GLIS3: variants seen among roughly 807,000 people sequenced by gnomAD.
GLIS3 encodes zinc finger protein GLIS3.
A neutral mutation model predicts 78.6 loss-of-function variants in GLIS3; 53 were observed. That is an observed-to-expected ratio of 0.67 (90% CI 0.54 to 0.85). The LOEUF (loss-of-function observed/expected upper bound fraction) is 0.85, where lower values mean the gene tolerates loss of function less well. Among genes scored for constraint, GLIS3 ranks in the 40% least tolerant of loss-of-function variants. The probability of loss-of-function intolerance (pLI) is 0.00; values close to 1 mark genes in which losing one functional copy is unlikely to be tolerated. For synonymous variants in GLIS3, 684 were observed against 509.9 expected, an observed-to-expected ratio of 1.34 and a Z score of -4.60; for missense variants, 1,703 against 1,231.1, an observed-to-expected ratio of 1.38 and a Z score of -5.74.
At chr9:3,950,046 C>T (rs1415731208) in intron 4 of GLIS3, among the ~76,000 whole-genome samples, 2 of 152,228 alleles carry the variant, frequency 1.3e-5, no homozygotes, top group African/African-American at 4.8e-5. Flanking sequence ...GCCTTCACTG[C>T]CTGCTCTCTA....
intron 8 of GLIS3, among the ~76,000 whole-genome samples, chr9:3,857,965 G>A (rs1819898386): frequency 1.3e-5 from 2 of 152,168 alleles, no homozygotes; most frequent in African/African-American, 2.4e-5. Flanking sequence ...AGGGGCAGAA[G>A]GAATCCAGGT....
intron 4 of GLIS3, among the ~76,000 whole-genome samples, chr9:3,999,182 A>G (rs1820956159): frequency 6.6e-6 from 1 of 152,154 alleles, no homozygotes; most frequent in African/African-American, 2.4e-5. Context: ...ACCAATCTCT[A>G]TAGTCGCAGA....
intron 4 of GLIS3, among the ~76,000 whole-genome samples, chr9:3,975,424 A>C (rs1818699273): frequency 6.6e-6 from 1 of 152,234 alleles, no homozygotes; most frequent in Non-Finnish European, 1.5e-5. Context: ...AACCCTGTTT[A>C]GTAAGAGCCA....
chr9:4,004,596 G>A (rs756731124), intron 4 of GLIS3, among the ~76,000 whole-genome samples: 14 of 152,138 alleles, frequency 9.2e-5, no homozygotes, highest in Non-Finnish European at 1.8e-4. Context: ...GGAGAAGTTT[G>A]GCATCACTGA....
chr9:4,042,511 T>G (rs1481799359), intron 4 of GLIS3, among the ~76,000 whole-genome samples: 4 of 152,134 alleles, frequency 2.6e-5, no homozygotes, highest in Non-Finnish European at 5.9e-5. Context: ...AAAGAATGAG[T>G]AGAGCATAAA....
At chr9:4,220,983 T>C (rs1438337428) in intron 2 of GLIS3, among the ~76,000 whole-genome samples, 1 of 152,110 alleles carries the variant, frequency 6.6e-6, no homozygotes, top group Admixed American at 6.6e-5. Context: ...AGACCCTGTC[T>C]CTAATTAATT....
chr9:3,953,772 T>G (rs973501795), intron 4 of GLIS3, among the ~76,000 whole-genome samples: 1 of 35,764 alleles, frequency 2.8e-5, no homozygotes, highest in African/African-American at 1.1e-4. Context: ...TCTCTCTCTC[T>G]CTCTCTCTCT....
intron 4 of GLIS3, among the ~76,000 whole-genome samples, chr9:4,306,869 C>T (rs539096720): frequency 1.3e-5 from 2 of 152,290 alleles, no homozygotes; most frequent in South Asian, 4.1e-4. Context: ...AGTAGAGAGT[C>T]CTTAGATTCT....
At chr9:4,144,702 A>G (rs974275062) in intron 2 of GLIS3, 1 of 152,236 alleles carries the variant, frequency 6.6e-6, no homozygotes, top group Non-Finnish European at 1.5e-5. Flanking sequence ...AAGAAACCAG[A>G]TAATTTTATA....
intron 8 of GLIS3, among the ~76,000 whole-genome samples, chr9:3,876,573 C>CT (rs1305657282): frequency 7.1e-6 from 1 of 140,896 alleles, no homozygotes; most frequent in East Asian, 2.1e-4. Flanking sequence ...TCAGTGATAT[C>CT]TGCAACCATC....
At chr9:4,472,285 C>G in the GLIS3 span, among the ~76,000 whole-genome samples, 3 of 152,292 alleles carry the variant, frequency 2.0e-5, no homozygotes, top group South Asian at 6.2e-4. Context: ...ATAAATCATG[C>G]TACTATAAAG....
chr9:4,190,459 A>G (rs1818231650), intron 2 of GLIS3, among the ~76,000 whole-genome samples: 1 of 141,242 alleles, frequency 7.1e-6, no homozygotes, highest in South Asian at 2.7e-4. Flanking sequence ...GAATGAAATG[A>G]AGCGAGAAGG....
At chr9:3,880,368 C>A (rs1262156955) in intron 7 of GLIS3, among the ~76,000 whole-genome samples, 1 of 152,210 alleles carries the variant, frequency 6.6e-6, no homozygotes, top group East Asian at 1.9e-4. Context: ...CTAATTGGTA[C>A]GATGTCACAG....
intron 9 of GLIS3, among the ~76,000 whole-genome samples, chr9:3,841,279 G>T (rs1269360783): frequency 6.6e-6 from 1 of 152,132 alleles, no homozygotes; most frequent in Admixed American, 6.6e-5. Flanking sequence ...TAGTAAAATG[G>T]TTCAGTGAGT....
the GLIS3 span, among the ~76,000 whole-genome samples, chr9:4,384,022 C>G: frequency 1.3e-5 from 2 of 152,206 alleles, no homozygotes; most frequent in African/African-American, 4.8e-5. Context: ...GTGCCATTGG[C>G]TGCCAATCAG....
chr9:3,988,697 C>T (rs1588398052), intron 4 of GLIS3, among the ~76,000 whole-genome samples: 1 of 151,650 alleles, frequency 6.6e-6, no homozygotes, highest in African/African-American at 2.4e-5. Flanking sequence ...CCATCAAGCA[C>T]GCATAGACAA....
chr9:4,065,463 TTC>T (rs904169129), intron 4 of GLIS3, among the ~76,000 whole-genome samples: 9 of 152,368 alleles, frequency 5.9e-5, no homozygotes, highest in Non-Finnish European at 1.0e-4. Context: ...GTGAGAAATT[TTC>T]TGTCATTATT....
the GLIS3 span, among the ~76,000 whole-genome samples, chr9:4,488,143 A>G: frequency 6.6e-6 from 1 of 152,060 alleles, no homozygotes; most frequent in East Asian, 1.9e-4. Flanking sequence ...TTGTAGAGAC[A>G]GTGGTCTAAT....
At chr9:4,353,218 A>G (rs1817997001), upstream of GLIS3, among the ~76,000 whole-genome samples, 1 of 152,174 alleles carries the variant, frequency 6.6e-6, no homozygotes, top group African/African-American at 2.4e-5. Flanking sequence ...AAGTAAGCAG[A>G]CTTCTGTACC....
Sources: gnomAD v4.1 joint callset for allele counts (sites outside exome capture counted in the v4.1 genomes callset) on GRCh38, gnomAD v4.1.1 for gene constraint, MANE v1.5 for transcripts, NCBI Gene and HGNC (gene_info 2026-07-23, HGNC 2026-07-21) for gene names.